The following PXDNL variants were observed in gnomAD, a reference collection of about 807,000 sequenced individuals.
The protein encoded by PXDNL is peroxidasin like, also known as probable oxidoreductase PXDNL.
In PXDNL, 145 loss-of-function variants were observed where a neutral mutation model predicts 150.8. The ratio of observed to expected loss-of-function variants is 0.96; its 90% CI spans 0.84 to 1.10. The LOEUF (loss-of-function observed/expected upper bound fraction) is 1.10, where lower values mean the gene tolerates loss of function less well. Among genes scored for constraint, PXDNL ranks in the 50% least tolerant of loss-of-function variants. PXDNL has a pLI of 0.00. For synonymous variants in PXDNL, 757 were observed against 725.7 expected (o/e 1.04, Z -0.69); for missense variants, 2,087 against 1,873.9 (o/e 1.11, Z -2.10).
intron 1 of PXDNL, among the ~76,000 whole-genome samples, chr8:51,775,371 C>T (rs143798150): frequency 6.7e-4 from 102 of 152,220 alleles, no homozygotes; most frequent in African/African-American, 2.2e-3. Context: ...TTAAATGGCT[C>T]GTTATATTGC....
chr8:51,692,344 T>G, intron 1 of PXDNL, among the ~76,000 whole-genome samples: 1 of 152,292 alleles, frequency 6.6e-6, no homozygotes, highest in Middle Eastern at 3.4e-3. Flanking sequence ...TTAAATTATT[T>G]GAATATTAAA....
Position 51,409,156 on chromosome 8 carries a change from G to C in PXDNL, c.2468C>G (p.Thr823Arg). 6.2e-7 allele frequency: 1 copy of C among 1,602,020 alleles called. No homozygotes were observed. Among genetic ancestry groups the C allele is most frequent in the Non-Finnish European group, 8.5e-7 (1 of 1,177,756 alleles). Residue 823 changes from threonine (T) to arginine (R), a missense_variant, in exon 17 of 23, where the codon ACA becomes AGA. Physicochemically the swap from Thr to Arg is moderately conservative, Grantham distance 71. Coordinates refer to ENST00000356297, the MANE Select transcript of PXDNL (RefSeq NM_144651.5). ...CGGCCGCCCATCCGAGAAGCGGGCT[G>C]TGCTCAGCGCAGGCACTGTGTGGTC... The part of the protein sequence containing the change: ...DLDHTVPALS[T>R]ARFSDGRPCS...
chr8:51,756,588 A>G (rs2037104563), intron 1 of PXDNL, among the ~76,000 whole-genome samples: 1 of 152,150 alleles, frequency 6.6e-6, no homozygotes, highest in African/African-American at 2.4e-5. Context: ...TTGTACAGGA[A>G]GCTTCATAGT....
intron 19 of PXDNL, among the ~76,000 whole-genome samples, chr8:51,352,734 T>C (rs1471351018): frequency 1.3e-5 from 2 of 152,144 alleles, no homozygotes; most frequent in Non-Finnish European, 2.9e-5. Context: ...TCTATAACAG[T>C]GTGGAAATGG....
intron 1 of PXDNL, among the ~76,000 whole-genome samples, chr8:51,736,133 G>A (rs1817033926): frequency 6.6e-6 from 1 of 152,192 alleles, no homozygotes; most frequent in African/African-American, 2.4e-5. Flanking sequence ...AATAAATTAA[G>A]AGAGGGGATT....
Position 51,324,525 on chromosome 8 carries a change from C to T in PXDNL, c.4147-3628G>A, listed in dbSNP as rs187494628. 3.5e-4 allele frequency among the ~76,000 whole-genome samples: 54 copies of T among 152,210 alleles called. No homozygotes were observed. The East Asian group carries it at 9.9e-3, about 28-fold the overall frequency. On this transcript the variant is annotated intron_variant, in intron 21 of 22. Transcript: ENST00000356297. ...TGCATTTCTTTGGAATTGTCCTTCC[C>T]TTCTCTCTTCTTTCTATCCAAGACC... is the stretch of plus-strand genomic sequence containing the variant.
Position 51,345,943 on chromosome 8 carries a change from A to G in PXDNL, c.3906T>C (p.Cys1302=), listed in dbSNP as rs770017416. Reference sequence around the variant, plus strand: ...CTGCTCTGAACTGTCCTCTACTCCTACAGTCTGTGGGGAAAGAAGTAACCA... The same window carrying G: ...CTGCTCTGAACTGTCCTCTACTCCTGCAGTCTGTGGGGAAAGAAGTAACCA... The part of the protein sequence containing the change: ...LRVWQDCCAD[C]RSRGQFRAVT... The change falls in exon 20 of 23, where the codon TGT becomes TGC. Residue 1302 remains cysteine (C), a synonymous_variant. Coordinates refer to ENST00000356297, the MANE Select transcript of PXDNL (RefSeq NM_144651.5). 9.3e-6 allele frequency: 15 copies of G among 1,604,586 alleles called. No homozygotes were observed. Among genetic ancestry groups the G allele is most frequent in the Non-Finnish European group, 1.0e-5 (12 of 1,171,506 alleles).
At chr8:51,459,214 G>A (rs1205714179) in intron 8 of PXDNL, among the ~76,000 whole-genome samples, 2 of 152,214 alleles carry the variant, frequency 1.3e-5, no homozygotes, top group African/African-American at 4.8e-5. Context: ...CAGATCGCCT[G>A]AGGTCAGGAG....
At chr8:51,506,341 G>A (rs1811285943) in intron 4 of PXDNL, among the ~76,000 whole-genome samples, 1 of 152,058 alleles carries the variant, frequency 6.6e-6, no homozygotes, top group East Asian at 1.9e-4. Flanking sequence ...AGGAGATTGA[G>A]ACCATCCTGG....
intron 20 of PXDNL, among the ~76,000 whole-genome samples, chr8:51,342,990 A>G (rs1806034352): frequency 6.6e-6 from 1 of 152,126 alleles, no homozygotes; most frequent in African/African-American, 2.4e-5. Context: ...ATTTTAGACA[A>G]TTTGGAAGGA....
intron 4 of PXDNL, among the ~76,000 whole-genome samples, chr8:51,534,812 GC>G (rs1812025339): frequency 9.9e-6 from 1 of 100,832 alleles, no homozygotes; most frequent in African/African-American, 4.8e-5. Context: ...TCAGCCCCCC[GC>G]CCGGCCAGCC....
At chr8:51,491,472 A>C (rs1290536524) in intron 5 of PXDNL, among the ~76,000 whole-genome samples, 1 of 152,224 alleles carries the variant, frequency 6.6e-6, no homozygotes, top group Non-Finnish European at 1.5e-5. Flanking sequence ...AAATAGATGC[A>C]AATATATTTA....
At chr8:51,599,731 TTA>T (rs1318242478) in intron 2 of PXDNL, among the ~76,000 whole-genome samples, 3 of 146,490 alleles carry the variant, frequency 2.0e-5, no homozygotes, top group Non-Finnish European at 3.0e-5. Context: ...ATATAATAAA[TTA>T]TATCTTATAT....
intron 1 of PXDNL, among the ~76,000 whole-genome samples, chr8:51,696,796 CATAG>C (rs1291386478): frequency 0.033 from 42 of 1,268 alleles, no homozygotes; most frequent in Admixed American, 0.049. Flanking sequence ...CCCACCCACA[CATAG>C]GTCTTCACAC....
intron 2 of PXDNL, among the ~76,000 whole-genome samples, chr8:51,640,318 A>T (rs1175292460): frequency 6.6e-6 from 1 of 152,038 alleles, no homozygotes; most frequent in African/African-American, 2.4e-5. Context: ...GTCTCTCACC[A>T]CTCCTATTCA....
intron 19 of PXDNL, among the ~76,000 whole-genome samples, chr8:51,350,130 A>T (rs1806290893): frequency 6.6e-6 from 1 of 151,998 alleles, no homozygotes; most frequent in Admixed American, 6.6e-5. Flanking sequence ...TAATAGACAA[A>T]AAAGAAGAGA....
At chr8:51,731,274 G>A (rs1222387205) in intron 1 of PXDNL, among the ~76,000 whole-genome samples, 8 of 152,164 alleles carry the variant, frequency 5.3e-5, no homozygotes, top group Non-Finnish European at 1.2e-4. Flanking sequence ...CCAAAACAAA[G>A]GTGTTACAGA....
At position 51,509,886 on chromosome 8, in the gene PXDNL, A is replaced by T. The variant is rs540644960; in HGVS notation, c.381-10116T>A. 2.3e-3 allele frequency among the ~76,000 whole-genome samples: 349 copies of T among 151,822 alleles called. 3 individuals are homozygous for T. Among genetic ancestry groups the T allele is most frequent in the Non-Finnish European group, 4.6e-3 (311 of 67,960 alleles). On this transcript the variant is annotated intron_variant, in intron 4 of 22. Coordinates refer to ENST00000356297, the MANE Select transcript of PXDNL (RefSeq NM_144651.5). ...ATTATACTATGCAATATGCTTGTTC[A>T]TTTATTAGTTTTAAAGCTTGCCTTC...
rs1288783640 is a variant in PXDNL, at chr8:51,404,378, CCCTGAGCTAG to C, written c.3557+3679_3557+3688del. ...GGGTGCTGATTGGTGTGTTTACAAT[CCCTGAGCTAG>C]ACACAGAGTCCTGATTGGTGCATTT... On this transcript the variant is annotated intron_variant, in intron 17 of 22. Transcript: ENST00000356297. Among the ~76,000 whole-genome samples the C allele has an allele frequency of 4.4e-3, 662 of 151,360 alleles. 19 individuals are homozygous for C. The highest frequency in any genetic ancestry group is 0.016 in the African/African-American group (634 of 40,654).
Sources: gnomAD v4.1 joint callset for allele counts (sites outside exome capture counted in the v4.1 genomes callset) on GRCh38, gnomAD v4.1.1 for gene constraint, MANE v1.5 for transcripts, NCBI Gene and HGNC (gene_info 2026-07-23, HGNC 2026-07-21) for gene names.